The following SGCG variants were observed in gnomAD, a reference collection of about 807,000 sequenced individuals.
SGCG encodes the protein gamma-sarcoglycan.
A neutral mutation model predicts 29.3 loss-of-function variants in SGCG; 26 were observed. The ratio of observed to expected loss-of-function variants is 0.89; its 90% CI spans 0.65 to 1.23. SGCG has a LOEUF of 1.23. SGCG is among the 50% of genes most tolerant of loss of function. The pLI is 0.00. For synonymous variants in SGCG, 145 were observed against 129.7 expected (o/e 1.12, Z -0.80); for missense variants, 353 against 356.0 (o/e 0.99, Z 0.07).
At chr13:23,301,086 A>G (rs1488485687) in intron 6 of SGCG, among the ~76,000 whole-genome samples, 1 of 152,178 alleles carries the variant, frequency 6.6e-6, no homozygotes, top group Non-Finnish European at 1.5e-5. Context: ...ACTGCACTCC[A>G]GCCTGGGCGA....
chr13:23,272,760 G>A (rs960486292), intron 4 of SGCG, among the ~76,000 whole-genome samples: 4 of 152,050 alleles, frequency 2.6e-5, no homozygotes, highest in Non-Finnish European at 4.4e-5. Flanking sequence ...TTTTATGTGG[G>A]GTAGTTTTTT....
intron 2 of SGCG, among the ~76,000 whole-genome samples, chr13:23,205,609 T>C (rs980989593): frequency 6.6e-6 from 1 of 152,176 alleles, no homozygotes; most frequent in Non-Finnish European, 1.5e-5. Context: ...TTTATACTCT[T>C]GTCATGTAGC....
At chr13:23,238,486 CCAGT>C (rs926913829) in intron 3 of SGCG, among the ~76,000 whole-genome samples, 6 of 152,138 alleles carry the variant, frequency 3.9e-5, no homozygotes, top group Non-Finnish European at 5.9e-5. Context: ...CATATTCCCA[CCAGT>C]CAGAGTGGAA....
Position 23,279,490 on chromosome 13 carries a change from C to T in SGCG, c.505+12C>T. ...ACTTCGAGTAACTGGTATGTACTAA[C>T]TCGAGAAAAACACAACATTCCATGG... On this transcript the variant is annotated intron_variant, in intron 5 of 7. Coordinates refer to ENST00000218867, the MANE Select transcript of SGCG (RefSeq NM_000231.3). 6.2e-7 allele frequency: 1 copy of T among 1,611,358 alleles called. No individual in the cohort carries two copies. The highest frequency in any genetic ancestry group is 1.1e-5 in the South Asian group (1 of 90,840).
intron 4 of SGCG, among the ~76,000 whole-genome samples, chr13:23,273,787 C>G (rs1370838715): frequency 2.0e-5 from 3 of 152,154 alleles, no homozygotes; most frequent in Non-Finnish European, 4.4e-5. Flanking sequence ...TTACCTTGTG[C>G]CCTGATGTGT....
In SGCG at chr13:23,260,856, T is replaced by C. The variant is rs9552894; in HGVS notation, c.385+10139T>C. ...AATTCTTTTCTTTAAGAATGTTGAA[T>C]ATTGGCCCCCACACTCTTCTGGCTT... On this transcript the variant is annotated intron_variant, in intron 4 of 7. Coordinates refer to ENST00000218867, the MANE Select transcript of SGCG (RefSeq NM_000231.3). Among the ~76,000 whole-genome samples, 3,314 of 152,116 alleles carry C rather than the reference T, an allele frequency of 0.022. 233 individuals carry two copies. In the East Asian group the frequency reaches 0.25, roughly 11 times the overall value.
chr13:23,170,325 A>G, the SGCG span, among the ~76,000 whole-genome samples: 1 of 152,172 alleles, frequency 6.6e-6, no homozygotes, highest in Non-Finnish European at 1.5e-5. Context: ...TATGAAAACA[A>G]ATGGACTTTG....
At position 23,226,680 on chromosome 13, in the gene SGCG, C is replaced by T. The variant is rs532134861; in HGVS notation, c.196-7931C>T. On this transcript the variant is annotated intron_variant, in intron 2 of 7. Coordinates refer to ENST00000218867, the MANE Select transcript of SGCG (RefSeq NM_000231.3). The stretch of plus-strand genomic sequence containing the variant: ...AAAAGGACAAATATTTCAGATTCCA[C>T]TTACACGAGGTGCCTAGAGTAGTCA... 1.3e-3 allele frequency among the ~76,000 whole-genome samples: 192 copies of T among 152,292 alleles called. 1 individual carries two copies. The highest frequency in any genetic ancestry group is 4.4e-3 in the African/African-American group (183 of 41,558).
In SGCG at chr13:23,298,394, G is replaced by A. The variant is rs528141669; in HGVS notation, c.578+2907G>A. On this transcript the variant is annotated intron_variant, in intron 6 of 7. Transcript: ENST00000218867. ...AAAAAAATTGTTATTATACTACATA[G>A]ATATTCTCCCTAAATAATAAAGGAT... Among the ~76,000 whole-genome samples the A allele has an allele frequency of 5.9e-5, 9 of 152,142 alleles. No individual in the cohort carries two copies. The South Asian group carries it at 1.9e-3, about 32-fold the overall frequency.
Position 23,250,215 on chromosome 13 carries a change from T to C in SGCG, c.298-415T>C, listed in dbSNP as rs115498718. ...TTGATAAAGTTTACTTTACACATTA[T>C]AAAAACACAAATGTATTACAAAAAT... On this transcript the variant is annotated intron_variant, in intron 3 of 7. Coordinates refer to ENST00000218867, the MANE Select transcript of SGCG (RefSeq NM_000231.3). Among the ~76,000 whole-genome samples the C allele has an allele frequency of 5.3e-3, 813 of 152,306 alleles. 7 individuals are homozygous for C. Among genetic ancestry groups the C allele is most frequent in the African/African-American group, 0.019 (780 of 41,562 alleles).
chr13:23,208,258 A>C (rs1178546863), intron 2 of SGCG, among the ~76,000 whole-genome samples: 3 of 152,130 alleles, frequency 2.0e-5, no homozygotes, highest in Non-Finnish European at 4.4e-5. Context: ...AAAGTTTGGC[A>C]TGGCTTTCTC....
chr13:23,218,700 C>T (rs180804512), intron 2 of SGCG, among the ~76,000 whole-genome samples: 3 of 152,016 alleles, frequency 2.0e-5, no homozygotes, highest in Admixed American at 6.5e-5. Flanking sequence ...GCCATACTTA[C>T]TTGTGTTCAT....
At chr13:23,191,400 A>G (rs533141599) in intron 1 of SGCG, among the ~76,000 whole-genome samples, 1 of 152,314 alleles carries the variant, frequency 6.6e-6, no homozygotes, top group South Asian at 2.1e-4. Context: ...TTGTCAAGGT[A>G]TCGGGTGCAG....
intron 5 of SGCG, among the ~76,000 whole-genome samples, chr13:23,290,743 A>G (rs949571760): frequency 6.6e-6 from 1 of 152,210 alleles, no homozygotes; most frequent in Admixed American, 6.6e-5. Context: ...GAATCTTAAC[A>G]AATAGTTATC....
intron 6 of SGCG, among the ~76,000 whole-genome samples, chr13:23,306,730 C>G (rs955652046): frequency 6.6e-6 from 1 of 152,050 alleles, no homozygotes; most frequent in African/African-American, 2.4e-5. Flanking sequence ...TATGGTGTGG[C>G]TTATTTTCCT....
At chr13:23,183,293 C>T (rs1426728199) in intron 1 of SGCG, among the ~76,000 whole-genome samples, 1 of 152,026 alleles carries the variant, frequency 6.6e-6, no homozygotes, top group Non-Finnish European at 1.5e-5. Context: ...TTATCCTGAC[C>T]CCACACTGCG....
At chr13:23,315,125 G>A (rs988198803) in intron 6 of SGCG, among the ~76,000 whole-genome samples, 5 of 152,288 alleles carry the variant, frequency 3.3e-5, no homozygotes, top group South Asian at 2.1e-4. Context: ...CACAGTGGAG[G>A]CCTCTAGGAT....
chr13:23,306,240 T>C (rs1882356977), intron 6 of SGCG, among the ~76,000 whole-genome samples: 1 of 152,180 alleles, frequency 6.6e-6, no homozygotes. Flanking sequence ...ATTTTCAATG[T>C]TCTGGAATAA....
intron 1 of SGCG, among the ~76,000 whole-genome samples, chr13:23,189,508 C>A (rs1471928974): frequency 2.0e-5 from 3 of 152,164 alleles, no homozygotes. Flanking sequence ...AAATAATTTT[C>A]TTTCCCTACT....
Sources: allele counts gnomAD v4.1 joint callset (sites outside exome capture counted in the v4.1 genomes callset), GRCh38; gene constraint gnomAD v4.1.1; transcripts MANE v1.5; gene names NCBI Gene and HGNC (gene_info 2026-07-23, HGNC 2026-07-21).